Variants in LRRC7 observed in about 807,000 individuals in gnomAD.
LRRC7 encodes leucine rich repeat containing 7.
A neutral mutation model predicts 175.7 loss-of-function variants in LRRC7; 23 were observed. The ratio of observed to expected loss-of-function variants is 0.13; its 90% CI spans 0.09 to 0.19. The LOEUF (loss-of-function observed/expected upper bound fraction) is 0.19. Ranked by LOEUF, LRRC7 falls within the 10% of genes least tolerant of loss-of-function variation. The probability of loss-of-function intolerance (pLI) is 1.00; values close to 1 mark genes in which losing one functional copy is unlikely to be tolerated. For missense variants in LRRC7, 1,354 were observed against 1,904.7 expected, an observed-to-expected ratio of 0.71 and a Z score of 5.38; for synonymous variants, 685 against 680.9, an observed-to-expected ratio of 1.01 and a Z score of -0.09.
chr1:70,109,365 A>G (rs925680404), intron 26 of LRRC7, among the ~76,000 whole-genome samples: 3 of 152,088 alleles, frequency 2.0e-5, no homozygotes, highest in Non-Finnish European at 2.9e-5. Flanking sequence ...ACAATCAGCT[A>G]CTCAAGTTTT....
At chr1:69,955,027 C>T (rs376547934) in intron 8 of LRRC7, among the ~76,000 whole-genome samples, 114 of 152,136 alleles carry the variant, frequency 7.5e-4, no homozygotes, top group African/African-American at 2.7e-3. Flanking sequence ...TTATTCATTT[C>T]TTCGTTCATT....
At chr1:69,909,095 C>G (rs1057175320) in intron 7 of LRRC7, among the ~76,000 whole-genome samples, 1 of 151,618 alleles carries the variant, frequency 6.6e-6, no homozygotes, top group Non-Finnish European at 1.5e-5. Context: ...ATTGCAACCC[C>G]TGCCTTTTTT....
intron 7 of LRRC7, among the ~76,000 whole-genome samples, chr1:69,868,302 C>T (rs547202481): frequency 1.2e-3 from 187 of 152,170 alleles, no homozygotes; most frequent in African/African-American, 4.4e-3. Context: ...TTATAATGCT[C>T]ACATTAGGGT....
intron 8 of LRRC7, among the ~76,000 whole-genome samples, chr1:69,971,575 G>T (rs1390204111): frequency 3.3e-5 from 5 of 152,140 alleles, no homozygotes; most frequent in Non-Finnish European, 7.4e-5. Flanking sequence ...GGAGGTGAAA[G>T]ACCTCTACAA....
intron 7 of LRRC7, among the ~76,000 whole-genome samples, chr1:69,887,688 GGC>G: frequency 6.6e-6 from 1 of 151,782 alleles, no homozygotes; most frequent in Non-Finnish European, 1.5e-5. Context: ...GAGGAGGAGA[GGC>G]ACTCTGTGTT....
intron 4 of LRRC7, among the ~76,000 whole-genome samples, chr1:69,818,166 G>A (rs898485228): frequency 6.6e-6 from 1 of 152,074 alleles, no homozygotes; most frequent in Non-Finnish European, 1.5e-5. Context: ...GAAGTGACAA[G>A]AGTGATCATC....
At chr1:69,876,489 T>G (rs1557840218) in intron 7 of LRRC7, among the ~76,000 whole-genome samples, 1 of 152,096 alleles carries the variant, frequency 6.6e-6, no homozygotes, top group Non-Finnish European at 1.5e-5. Context: ...GGAGGTCTAG[T>G]AGAGTAAAAA....
intron 8 of LRRC7, among the ~76,000 whole-genome samples, chr1:69,948,029 G>C (rs1649524585): frequency 6.6e-6 from 1 of 152,052 alleles, no homozygotes; most frequent in African/African-American, 2.4e-5. Flanking sequence ...TAATCAGGTG[G>C]GTAGTGGGTA....
intron 8 of LRRC7, among the ~76,000 whole-genome samples, chr1:69,946,556 T>C (rs904861961): frequency 5.3e-5 from 8 of 152,126 alleles, no homozygotes; most frequent in Admixed American, 2.0e-4. Context: ...TCTGTCAACA[T>C]TTGCATCATA....
At chr1:69,746,100 G>A (rs1031870947) in intron 2 of LRRC7, among the ~76,000 whole-genome samples, 4 of 151,946 alleles carry the variant, frequency 2.6e-5, no homozygotes, top group South Asian at 2.1e-4. Flanking sequence ...CTAGGGTAAT[G>A]TAACTTCTAT....
intron 25 of LRRC7, among the ~76,000 whole-genome samples, chr1:70,106,237 T>C (rs1221279311): frequency 6.6e-6 from 1 of 152,188 alleles, no homozygotes; most frequent in African/African-American, 2.4e-5. Flanking sequence ...GCAACCATCA[T>C]GATTATCTAA....
intron 24 of LRRC7, among the ~76,000 whole-genome samples, chr1:70,078,271 G>C (rs978656115): frequency 3.9e-5 from 6 of 152,122 alleles, no homozygotes; most frequent in Non-Finnish European, 8.8e-5. Flanking sequence ...AACCAGTTCT[G>C]GTCCCCAAAC....
chr1:69,884,887 T>A (rs7526281), intron 7 of LRRC7, among the ~76,000 whole-genome samples: 4 of 140,820 alleles, frequency 2.8e-5, no homozygotes, highest in Non-Finnish European at 6.2e-5. Flanking sequence ...GTGGTTTTTG[T>A]CTTTGGCTCT....
intron 24 of LRRC7, among the ~76,000 whole-genome samples, chr1:70,078,140 C>T (rs991364061): frequency 1.3e-5 from 2 of 152,188 alleles, no homozygotes; most frequent in African/African-American, 4.8e-5. Context: ...AATGCCTTGA[C>T]TTGATTACAC....
intron 4 of LRRC7, among the ~76,000 whole-genome samples, chr1:69,804,345 CA>C (rs1676868379): frequency 6.6e-6 from 1 of 151,324 alleles, no homozygotes; most frequent in Admixed American, 6.6e-5. Context: ...TTCTCTAAGA[CA>C]AATACCACAT....
At chr1:69,726,436 T>C (rs1367471841) in intron 2 of LRRC7, among the ~76,000 whole-genome samples, 1 of 152,192 alleles carries the variant, frequency 6.6e-6, no homozygotes, top group Non-Finnish European at 1.5e-5. Flanking sequence ...GTTGTATTGA[T>C]GTCATTAAAT....
chr1:69,781,738 AGAG>A (rs1673613154), intron 3 of LRRC7, among the ~76,000 whole-genome samples: 28 of 44,600 alleles, frequency 6.3e-4, no homozygotes, highest in Non-Finnish European at 8.0e-4. Context: ...AAAGAAAGAG[AGAG>A]AGAGAGAGAG....
chr1:69,875,528 T>A (rs1685963081), intron 7 of LRRC7, among the ~76,000 whole-genome samples: 1 of 152,076 alleles, frequency 6.6e-6, no homozygotes, highest in South Asian at 2.1e-4. Context: ...TGATTTATTT[T>A]GCCCACTGTC....
At chr1:70,115,173 T>G (rs1363530608) in intron 26 of LRRC7, among the ~76,000 whole-genome samples, 1 of 152,134 alleles carries the variant, frequency 6.6e-6, no homozygotes, top group African/African-American at 2.4e-5. Flanking sequence ...AAGGAAAAAA[T>G]AAGGATTATG....
Sources: allele counts gnomAD v4.1 joint callset (sites outside exome capture counted in the v4.1 genomes callset), GRCh38; gene constraint gnomAD v4.1.1; transcripts MANE v1.5; gene names NCBI Gene and HGNC (gene_info 2026-07-23, HGNC 2026-07-21).